ZNF618: variants seen among roughly 807,000 people sequenced by gnomAD.
ZNF618 encodes the protein neural precursor cell expressed, developmentally down-regulated 10.
A neutral mutation model predicts 103.0 loss-of-function variants in ZNF618; 34 were observed. That is an observed-to-expected ratio of 0.33 (90% CI 0.25 to 0.44). The LOEUF (loss-of-function observed/expected upper bound fraction) is 0.44, where lower values mean the gene tolerates loss of function less well. ZNF618 is among the 20% of genes least tolerant of loss of function. ZNF618 has a pLI of 1.00. For missense variants in ZNF618, 1,059 were observed against 1,295.4 expected, an observed-to-expected ratio of 0.82 and a Z score of 2.80; for synonymous variants, 551 against 542.2, an observed-to-expected ratio of 1.02 and a Z score of -0.23.
chr9:113,915,371 G>C (rs1027764444), intron 1 of ZNF618, among the ~76,000 whole-genome samples: 1 of 152,196 alleles, frequency 6.6e-6, no homozygotes, highest in Admixed American at 6.5e-5. Context: ...GAGCCCCTGA[G>C]AAGTCAGGCC....
chr9:114,027,518 A>G (rs1199067877), intron 10 of ZNF618, among the ~76,000 whole-genome samples: 2 of 152,242 alleles, frequency 1.3e-5, no homozygotes, highest in Non-Finnish European at 2.9e-5. Flanking sequence ...GAAGGACCAT[A>G]GAGTGGCTTT....
intron 10 of ZNF618, among the ~76,000 whole-genome samples, chr9:114,021,082 A>G (rs932034356): frequency 1.5e-4 from 23 of 152,044 alleles, no homozygotes; most frequent in Non-Finnish European, 4.4e-5. Context: ...GGTGAATTAC[A>G]TAGACTTAAA....
chr9:113,934,278 G>C (rs1833852832), intron 1 of ZNF618, among the ~76,000 whole-genome samples: 1 of 152,120 alleles, frequency 6.6e-6, no homozygotes, highest in African/African-American at 2.4e-5. Context: ...TGTTTGGAAG[G>C]AAGTTAGAGG....
At chr9:113,885,066 C>T (rs1040699052) in intron 1 of ZNF618, among the ~76,000 whole-genome samples, 1 of 152,140 alleles carries the variant, frequency 6.6e-6, no homozygotes, top group African/African-American at 2.4e-5. Flanking sequence ...GCTGGATGAC[C>T]TGCTTCTCTG....
At chr9:113,978,053 G>GTTT (rs1838644697) in intron 2 of ZNF618, among the ~76,000 whole-genome samples, 1 of 152,184 alleles carries the variant, frequency 6.6e-6, no homozygotes, top group Non-Finnish European at 1.5e-5. Context: ...AGACTGTTAA[G>GTTT]AGTTGTTTAA....
At chr9:114,001,527 C>A (rs891819143) in intron 4 of ZNF618, among the ~76,000 whole-genome samples, 1 of 152,224 alleles carries the variant, frequency 6.6e-6, no homozygotes, top group Admixed American at 6.5e-5. Flanking sequence ...AGTGACAGAA[C>A]AGGGACAGGG....
At position 113,914,790 on chromosome 9, in the gene ZNF618, C is replaced by T. The variant is rs1056861981; in HGVS notation, c.33+38377C>T. ...GAACCAGAGATCAAACACCATCTGG[C>T]CACAATAGTTGCTCATCTTTAAAAA... On this transcript the variant is annotated intron_variant, in intron 1 of 14. Coordinates refer to ENST00000374126, the MANE Select transcript of ZNF618 (RefSeq NM_001318042.2). Among the ~76,000 whole-genome samples the T allele has an allele frequency of 2.6e-5, 4 of 152,250 alleles. No individual in the cohort carries two copies. In the East Asian group the frequency reaches 7.7e-4, roughly 29 times the overall value.
chr9:113,898,552 G>C (rs1198022554), intron 1 of ZNF618, among the ~76,000 whole-genome samples: 1 of 151,038 alleles, frequency 6.6e-6, no homozygotes, highest in Non-Finnish European at 1.5e-5. Flanking sequence ...TCAGCCTCCT[G>C]AGGAGCTGGG....
chr9:113,951,458 T>TATAC (rs1554732920), intron 1 of ZNF618, among the ~76,000 whole-genome samples: 8 of 54,692 alleles, frequency 1.5e-4, no homozygotes, highest in African/African-American at 4.6e-4. Flanking sequence ...TGTGTATATA[T>TATAC]ACATATATGT....
chr9:113,899,415 A>C (rs1163294289), intron 1 of ZNF618, among the ~76,000 whole-genome samples: 1 of 152,186 alleles, frequency 6.6e-6, no homozygotes, highest in African/African-American at 2.4e-5. Flanking sequence ...CCTGTTGGGA[A>C]CTGGGCTGTA....
chr9:113,932,097 C>T (rs1180051592), intron 1 of ZNF618, among the ~76,000 whole-genome samples: 1 of 152,116 alleles, frequency 6.6e-6, no homozygotes, highest in Non-Finnish European at 1.5e-5. Flanking sequence ...AATTCAGATA[C>T]TGTTAAGTGC....
chr9:114,007,303 C>G (rs1410313528), intron 6 of ZNF618, 47 bp from the exon 7 acceptor site: 1 of 1,577,492 alleles, frequency 6.3e-7, no homozygotes, highest in Non-Finnish European at 8.7e-7. Flanking sequence ...CCCCACCCCA[C>G]AAGACTGAAG....
chr9:113,888,230 G>A (rs1482811147), intron 1 of ZNF618, among the ~76,000 whole-genome samples: 1 of 152,224 alleles, frequency 6.6e-6, no homozygotes, highest in African/African-American at 2.4e-5. Context: ...AACTTGCCCA[G>A]GATGTGGAGT....
chr9:113,887,908 G>A (rs1438223582), intron 1 of ZNF618, among the ~76,000 whole-genome samples: 1 of 152,076 alleles, frequency 6.6e-6, no homozygotes, highest in Admixed American at 6.5e-5. Flanking sequence ...CATTATTTTT[G>A]CACAATGGAA....
intron 2 of ZNF618, among the ~76,000 whole-genome samples, chr9:113,978,827 C>T (rs1314688481): frequency 2.6e-5 from 4 of 152,160 alleles, no homozygotes; most frequent in Non-Finnish European, 5.9e-5. Context: ...CAAAAAATCC[C>T]ATATCAGGCA....
chr9:114,046,803 AT>A (rs1342731202), intron 13 of ZNF618, among the ~76,000 whole-genome samples: 3 of 152,088 alleles, frequency 2.0e-5, no homozygotes, highest in African/African-American at 7.2e-5. Context: ...TGACCATGTG[AT>A]TTTTGTCTTT....
At chr9:113,943,236 T>C (rs1834708861) in intron 1 of ZNF618, among the ~76,000 whole-genome samples, 1 of 152,166 alleles carries the variant, frequency 6.6e-6, no homozygotes, top group African/African-American at 2.4e-5. Flanking sequence ...AATGGATCAT[T>C]GTGATAGCCT....
intron 1 of ZNF618, among the ~76,000 whole-genome samples, chr9:113,941,928 G>A (rs964027422): frequency 3.9e-5 from 6 of 152,214 alleles, no homozygotes; most frequent in African/African-American, 9.6e-5. Context: ...AGGATGCCAG[G>A]TGCAGCTGGA....
chr9:114,029,006 C>T lies in ZNF618; in HGVS notation c.1084+34C>T. 4 of 1,533,566 alleles carry T rather than the reference C, an allele frequency of 2.6e-6. No individual in the cohort carries two copies. In the East Asian group the frequency reaches 7.4e-5, roughly 28 times the overall value. The allele number at this position is 1,533,566 out of a possible 1,614,324, so 95.0% of individuals were successfully genotyped here. ...GGCCTATGTGACCCCCACACTTTCT[C>T]CCCCACTGCCCTTCTCACCACCTGC... On this transcript the variant is annotated intron_variant, in intron 11 of 14. Coordinates refer to ENST00000374126, the MANE Select transcript of ZNF618 (RefSeq NM_001318042.2).
Sources: allele counts gnomAD v4.1 joint callset (sites outside exome capture counted in the v4.1 genomes callset), GRCh38; gene constraint gnomAD v4.1.1; transcripts MANE v1.5; gene names NCBI Gene and HGNC (gene_info 2026-07-23, HGNC 2026-07-21).